The following GABRB1 variants were observed in gnomAD, a reference collection of about 807,000 sequenced individuals.
The protein encoded by GABRB1 is gamma-aminobutyric acid receptor subunit beta-1.
A neutral mutation model predicts 51.6 loss-of-function variants in GABRB1; 17 were observed. That is an observed-to-expected ratio of 0.33 (90% confidence interval 0.23 to 0.49). GABRB1 has a LOEUF of 0.49. GABRB1 is among the 20% of genes least tolerant of loss of function. The pLI is 0.99. For synonymous variants in GABRB1, 247 were observed against 218.9 expected, an observed-to-expected ratio of 1.13 and a Z score of -1.14; for missense variants, 410 against 600.6, an observed-to-expected ratio of 0.68 and a Z score of 3.32.
At chr4:47,377,262 G>A (rs1727416758) in intron 5 of GABRB1, among the ~76,000 whole-genome samples, 1 of 152,188 alleles carries the variant, frequency 6.6e-6, no homozygotes. Context: ...TCCTGCCTCA[G>A]CCTCCTGAGT....
At chr4:47,104,306 G>T (rs1577911565) in intron 3 of GABRB1, among the ~76,000 whole-genome samples, 1 of 151,522 alleles carries the variant, frequency 6.6e-6, no homozygotes, top group Non-Finnish European at 1.5e-5. Context: ...TTATTTGTCT[G>T]CCTTAAGGAT....
rs1553922638 is a variant in GABRB1, at chr4:47,195,460, A to ATGAT, written c.461+33992_461+33995dup. On this transcript the variant is annotated intron_variant, in intron 4 of 8. Transcript: ENST00000295454. ...GATAGATAGATGATAGATAGATTAG[A>ATGAT]TGATAGATAGATAGATAGATAGATA... 3.5e-3 allele frequency among the ~76,000 whole-genome samples: 282 copies of ATGAT among 80,146 alleles called. 3 individuals are homozygous for ATGAT. The highest frequency in any genetic ancestry group is 0.021 in the South Asian group (58 of 2,804). The allele number at this position is 80,146 out of a possible 152,430, so 52.6% of individuals were successfully genotyped here.
At chr4:47,360,472 A>G (rs1470990636) in intron 5 of GABRB1, among the ~76,000 whole-genome samples, 1 of 151,980 alleles carries the variant, frequency 6.6e-6, no homozygotes, top group Non-Finnish European at 1.5e-5. Flanking sequence ...TGCCTGTGTT[A>G]ATAATATAAC....
chr4:47,197,328 C>CT, intron 4 of GABRB1, among the ~76,000 whole-genome samples: 1 of 152,252 alleles, frequency 6.6e-6, no homozygotes, highest in South Asian at 2.1e-4. Context: ...TGGATTACCC[C>CT]TTTTTATTAA....
At chr4:47,087,728 G>A (rs938353856) in intron 3 of GABRB1, among the ~76,000 whole-genome samples, 1 of 152,144 alleles carries the variant, frequency 6.6e-6, no homozygotes, top group Non-Finnish European at 1.5e-5. Flanking sequence ...GCATGTAGAT[G>A]AATCAGAATT....
chr4:47,225,048 C>A (rs57625430), intron 4 of GABRB1, among the ~76,000 whole-genome samples: 1,791 of 152,234 alleles, frequency 0.012, 31 homozygotes, highest in African/African-American at 0.041. Flanking sequence ...GCATGCACCA[C>A]CATACCGGGC....
chr4:47,161,506 T>C, intron 4 of GABRB1, 37 bp downstream of exon 4: 2 of 1,557,534 alleles, frequency 1.3e-6, no homozygotes, highest in African/African-American at 1.4e-5. Context: ...AATGTTGTTG[T>C]TGTTTTGTTT....
At chr4:47,165,109 G>A (rs1308429558) in intron 4 of GABRB1, among the ~76,000 whole-genome samples, 1 of 152,064 alleles carries the variant, frequency 6.6e-6, no homozygotes, top group Non-Finnish European at 1.5e-5. Context: ...AACACATGAT[G>A]TCATTTCCTT....
intron 4 of GABRB1, among the ~76,000 whole-genome samples, chr4:47,310,803 C>T (rs1396638144): frequency 6.6e-6 from 1 of 152,052 alleles, no homozygotes; most frequent in African/African-American, 2.4e-5. Context: ...ATGTCCATGT[C>T]CTAAATTCTC....
chr4:47,410,147 A>G (rs1728710968), intron 8 of GABRB1, among the ~76,000 whole-genome samples: 1 of 152,244 alleles, frequency 6.6e-6, no homozygotes, highest in Non-Finnish European at 1.5e-5. Context: ...CTGTCAGAAG[A>G]CAATGCTTAA....
chr4:47,217,014 T>C (rs898459754), intron 4 of GABRB1, among the ~76,000 whole-genome samples: 14 of 151,926 alleles, frequency 9.2e-5, no homozygotes, highest in South Asian at 2.1e-4. Flanking sequence ...TACACTATAC[T>C]ACTGATTAAA....
intron 5 of GABRB1, among the ~76,000 whole-genome samples, chr4:47,349,197 G>T (rs1054455509): frequency 3.3e-5 from 5 of 152,134 alleles, no homozygotes; most frequent in Non-Finnish European, 1.5e-5. Flanking sequence ...TGCATATTTT[G>T]ATGATAATTA....
At chr4:47,254,780 G>T (rs1722137426) in intron 4 of GABRB1, among the ~76,000 whole-genome samples, 1 of 152,172 alleles carries the variant, frequency 6.6e-6, no homozygotes, top group African/African-American at 2.4e-5. Context: ...GTATTTGGGA[G>T]AGACATTATT....
intron 3 of GABRB1, among the ~76,000 whole-genome samples, chr4:47,060,349 G>A (rs141879598): frequency 6.6e-6 from 1 of 152,262 alleles, no homozygotes; most frequent in East Asian, 1.9e-4. Flanking sequence ...AGTAAGTAAA[G>A]AGGTGTCATA....
At chr4:47,181,939 A>G (rs560899469) in intron 4 of GABRB1, among the ~76,000 whole-genome samples, 2 of 152,132 alleles carry the variant, frequency 1.3e-5, no homozygotes, top group Admixed American at 1.3e-4. Flanking sequence ...GCTCAAAGAT[A>G]CTTAGTTAAG....
intron 4 of GABRB1, among the ~76,000 whole-genome samples, chr4:47,299,332 C>T (rs369915713): frequency 5.3e-5 from 8 of 152,030 alleles, no homozygotes; most frequent in Non-Finnish European, 2.9e-5. Flanking sequence ...ATTTTCGCAA[C>T]CTACTCATCT....
At chr4:47,259,788 C>T (rs951263654) in intron 4 of GABRB1, among the ~76,000 whole-genome samples, 3 of 152,172 alleles carry the variant, frequency 2.0e-5, no homozygotes, top group African/African-American at 2.4e-5. Flanking sequence ...ATATACATCA[C>T]ATTTTGTGGC....
At chr4:47,122,665 A>C (rs1174753965) in intron 3 of GABRB1, among the ~76,000 whole-genome samples, 1 of 152,144 alleles carries the variant, frequency 6.6e-6, no homozygotes, top group African/African-American at 2.4e-5. Context: ...AATGTCTCTG[A>C]GGGGAAGTAT....
At chr4:47,245,827 C>CTTTT (rs201059107) in intron 4 of GABRB1, among the ~76,000 whole-genome samples, 233 of 130,442 alleles carry the variant, frequency 1.8e-3, no homozygotes, top group Middle Eastern at 4.2e-3. Context: ...TTCTTTCTTT[C>CTTTT]TTTTTTTTTT....
Sources: allele counts gnomAD v4.1 joint callset (sites outside exome capture counted in the v4.1 genomes callset), GRCh38; gene constraint gnomAD v4.1.1; transcripts MANE v1.5; gene names NCBI Gene and HGNC (gene_info 2026-07-23, HGNC 2026-07-21).